CD2AP: variants seen among roughly 807,000 people sequenced by gnomAD.
The protein encoded by CD2AP is CD2-associated protein.
A neutral mutation model predicts 85.1 loss-of-function variants in CD2AP; 46 were observed. The ratio of observed to expected loss-of-function variants is 0.54; its 90% CI spans 0.43 to 0.69. The LOEUF is 0.69. CD2AP is among the 30% of genes least tolerant of loss of function. CD2AP has a pLI of 0.00. For synonymous variants in CD2AP, 255 were observed against 252.9 expected (o/e 1.01, Z -0.08); for missense variants, 769 against 729.5 (o/e 1.05, Z -0.62).
chr6:47,618,521 C>G (rs1242528045), intron 17 of CD2AP, among the ~76,000 whole-genome samples: 1 of 151,894 alleles, frequency 6.6e-6, no homozygotes, highest in African/African-American at 2.4e-5. Flanking sequence ...TATTAGATAT[C>G]TAATAAATTA....
At chr6:47,478,513 G>C (rs1421937203) in intron 1 of CD2AP, among the ~76,000 whole-genome samples, 9 of 152,132 alleles carry the variant, frequency 5.9e-5, no homozygotes, top group Admixed American at 5.9e-4. Flanking sequence ...TGCGGGATGG[G>C]GGGCGGGGGC....
At chr6:47,622,831 G>A (rs75318184) in intron 17 of CD2AP, among the ~76,000 whole-genome samples, 1,637 of 152,226 alleles carry the variant, frequency 0.011, 23 homozygotes, top group Admixed American at 0.025. Context: ...GTCTGGAGCC[G>A]CAATCTAGTC....
chr6:47,531,465 G>A (rs1444105390), intron 2 of CD2AP, among the ~76,000 whole-genome samples: 1 of 151,502 alleles, frequency 6.6e-6, no homozygotes, highest in East Asian at 2.0e-4. Context: ...GACGATATGA[G>A]GGGAAACAGG....
intron 1 of CD2AP, among the ~76,000 whole-genome samples, chr6:47,502,054 C>T (rs903617856): frequency 1.3e-5 from 2 of 152,116 alleles, no homozygotes; most frequent in Non-Finnish European, 2.9e-5. Context: ...ATTTGGGGCT[C>T]TACTGGGGAA....
At chr6:47,593,868 A>G (rs1399858756) in intron 11 of CD2AP, among the ~76,000 whole-genome samples, 1 of 152,144 alleles carries the variant, frequency 6.6e-6, no homozygotes, top group African/African-American at 2.4e-5. Flanking sequence ...CACTATTTAC[A>G]GTAGGCAAAA....
chr6:47,490,373 G>A (rs1283934840), intron 1 of CD2AP, among the ~76,000 whole-genome samples: 1 of 152,032 alleles, frequency 6.6e-6, no homozygotes, highest in Non-Finnish European at 1.5e-5. Flanking sequence ...TTTTTGGTGA[G>A]TTCTATAAAA....
At chr6:47,519,123 A>G (rs1404066280) in intron 2 of CD2AP, among the ~76,000 whole-genome samples, 1 of 152,192 alleles carries the variant, frequency 6.6e-6, no homozygotes, top group East Asian at 1.9e-4. Context: ...TTCATATTCT[A>G]ATGGTGGGGC....
At chr6:47,512,862 TTTTGTGTGATTTAGACAC>T (rs1766356495) in intron 2 of CD2AP, among the ~76,000 whole-genome samples, 1 of 152,248 alleles carries the variant, frequency 6.6e-6, no homozygotes, top group South Asian at 2.1e-4. Flanking sequence ...ACAAATAGTA[TTTTGTGTGATTTAGACAC>T]TTACATAATT....
chr6:47,506,575 G>A (rs1384263710), intron 2 of CD2AP, among the ~76,000 whole-genome samples: 3 of 103,570 alleles, frequency 2.9e-5, no homozygotes, highest in Admixed American at 9.0e-5. Flanking sequence ...CGAGGTTGGC[G>A]GATCACTCGC....
In CD2AP at chr6:47,597,221, G is replaced by A. The variant is rs373531644; in HGVS notation, c.1274+1195G>A. The stretch of plus-strand genomic sequence containing the variant: ...AGGGCTCTTAGAGATGGACCTGTTT[G>A]TGCTGCTAGGCATCATGGAGAAAGC... On this transcript the variant is annotated intron_variant, in intron 12 of 17. Coordinates refer to ENST00000359314, the MANE Select transcript of CD2AP (RefSeq NM_012120.3). Among the ~76,000 whole-genome samples the A allele has an allele frequency of 3.4e-4, 51 of 150,986 alleles. 2 individuals are homozygous for A. In the South Asian group the frequency reaches 0.011, roughly 32 times the overall value.
At chr6:47,544,137 T>C (rs1258966841) in intron 3 of CD2AP, among the ~76,000 whole-genome samples, 1 of 152,198 alleles carries the variant, frequency 6.6e-6, no homozygotes, top group Non-Finnish European at 1.5e-5. Context: ...TGTCTGAAAA[T>C]AGTTATTAAA....
intron 12 of CD2AP, among the ~76,000 whole-genome samples, chr6:47,597,242 A>G (rs1332172765): frequency 6.6e-6 from 1 of 150,800 alleles, no homozygotes; most frequent in Non-Finnish European, 1.5e-5. Context: ...CATCATGGAG[A>G]AAGCAGCAGA....
In CD2AP at chr6:47,539,331, G is replaced by A. The variant is rs182093635; in HGVS notation, c.320-5275G>A. On this transcript the variant is annotated intron_variant, in intron 3 of 17. Transcript: ENST00000359314. ...TTTTGTACTGGGGTTGTCAAGCAGA[G>A]TATATTGAAGCTCTTCTTTAGGTAG... Among the ~76,000 whole-genome samples the A allele has an allele frequency of 3.9e-5, 6 of 152,340 alleles. No homozygotes were observed. The South Asian group carries it at 1.0e-3, about 26-fold the overall frequency.
intron 13 of CD2AP, among the ~76,000 whole-genome samples, chr6:47,602,025 C>G (rs1769153302): frequency 6.6e-6 from 1 of 151,888 alleles, no homozygotes; most frequent in Non-Finnish European, 1.5e-5. Flanking sequence ...TCTTTCCTCC[C>G]TCCTCCATTG....
Position 47,479,730 on chromosome 6 carries a change from A to G in CD2AP, c.4+1482A>G, listed in dbSNP as rs985562781. ...GCAGAATAAAATTAAACTACTTTGGATGACCTGGGGATGCAGTCTTGTTTT... is the reference window on the plus strand; with the variant it reads ...GCAGAATAAAATTAAACTACTTTGGGTGACCTGGGGATGCAGTCTTGTTTT... On this transcript the variant is annotated intron_variant, in intron 1 of 17. Transcript: ENST00000359314. Among the ~76,000 whole-genome samples, 3 of 152,184 alleles carry G rather than the reference A, an allele frequency of 2.0e-5. No homozygotes were observed. In the East Asian group the frequency reaches 5.8e-4, roughly 29 times the overall value.
chr6:47,513,746 T>G (rs1766378018), intron 2 of CD2AP, among the ~76,000 whole-genome samples: 1 of 152,094 alleles, frequency 6.6e-6, no homozygotes. Flanking sequence ...AACATCTTTT[T>G]TGGGGTATGT....
intron 1 of CD2AP, among the ~76,000 whole-genome samples, chr6:47,483,537 A>G (rs1765496052): frequency 6.6e-6 from 1 of 152,214 alleles, no homozygotes; most frequent in Non-Finnish European, 1.5e-5. Flanking sequence ...TGCAGGAACA[A>G]AAGTGAGCTT....
intron 16 of CD2AP, among the ~76,000 whole-genome samples, chr6:47,611,641 G>T (rs371323070): frequency 6.6e-6 from 1 of 151,524 alleles, no homozygotes; most frequent in African/African-American, 2.4e-5. Flanking sequence ...TATTTCTACA[G>T]TATTCTCAAG....
At chr6:47,610,971 A>ATATATATATATATATATTTTTTTTTT in intron 16 of CD2AP, among the ~76,000 whole-genome samples, 1 of 112,870 alleles carries the variant, frequency 8.9e-6, no homozygotes. Flanking sequence ...ATATATATGT[A>ATATATATATATATATATTTTTTTTTT]TTTTTTTTTT....
Sources: allele counts gnomAD v4.1 joint callset (sites outside exome capture counted in the v4.1 genomes callset), GRCh38; gene constraint gnomAD v4.1.1; transcripts MANE v1.5; gene names NCBI Gene and HGNC (gene_info 2026-07-23, HGNC 2026-07-21).